The following DNAH8 variants were observed in gnomAD, a reference collection of about 807,000 sequenced individuals.
DNAH8 encodes axonemal beta dynein heavy chain 8.
DNAH8 carries 382 observed loss-of-function variants against 562.1 expected under a neutral mutation model. That is an observed-to-expected ratio of 0.68 (90% CI 0.63 to 0.74). The LOEUF is 0.74. Ranked by LOEUF, DNAH8 falls within the 30% of genes least tolerant of loss-of-function variation. The pLI, the probability that DNAH8 is intolerant of heterozygous loss-of-function variation, is 0.00. For synonymous variants in DNAH8, 1,881 were observed against 1,919.4 expected, an observed-to-expected ratio of 0.98 and a Z score of 0.52; for missense variants, 5,203 against 5,620.4, an observed-to-expected ratio of 0.93 and a Z score of 2.37.
At chr6:38,800,926 T>C (rs1230731054) in intron 21 of DNAH8, among the ~76,000 whole-genome samples, 1 of 152,226 alleles carries the variant, frequency 6.6e-6, no homozygotes, top group Non-Finnish European at 1.5e-5. Context: ...TGAGTTGTAA[T>C]AATGTTTTAT....
At chr6:38,920,478 C>T (rs570935802) in intron 70 of DNAH8, among the ~76,000 whole-genome samples, 42 of 152,264 alleles carry the variant, frequency 2.8e-4, no homozygotes, top group Non-Finnish European at 5.9e-4. Context: ...ATCATTACCA[C>T]ATTGTAGGAC....
rs1780287726 is a variant in DNAH8 at position 38,904,386 on chromosome 6, G to T, written c.9195-1868G>T. On this transcript the variant is annotated intron_variant, in intron 62 of 92. Coordinates refer to ENST00000327475, the MANE Select transcript of DNAH8 (RefSeq NM_001206927.2). ...AAGATGGCTGTGGAAAGAATTCTGG[G>T]GTCTCCCAACATAGAGAAAGGGGGC... Among the ~76,000 whole-genome samples, 3 of 152,216 alleles carry T rather than the reference G, an allele frequency of 2.0e-5. No homozygotes were observed. In the East Asian group the frequency reaches 5.8e-4, roughly 29 times the overall value.
At chr6:38,937,585 G>A (rs566281601) in intron 77 of DNAH8, among the ~76,000 whole-genome samples, 3 of 152,150 alleles carry the variant, frequency 2.0e-5, no homozygotes, top group East Asian at 1.9e-4. Flanking sequence ...GACAAGCAGC[G>A]TGGACAAGCT....
chr6:38,842,930 A>G, intron 35 of DNAH8, 27 bp downstream of exon 35: 3 of 1,604,014 alleles, frequency 1.9e-6, no homozygotes, highest in African/African-American at 1.3e-5. Context: ...GTTCTTATCA[A>G]TGATCCATTA....
chr6:38,730,878 CA>C (rs1486760918), intron 4 of DNAH8, among the ~76,000 whole-genome samples: 1 of 152,074 alleles, frequency 6.6e-6, no homozygotes, highest in African/African-American at 2.4e-5. Flanking sequence ...CTGGCTTTTT[CA>C]GATTGCCTTT....
At position 38,868,226 on chromosome 6, in the gene DNAH8, C is replaced by G. The variant is rs756009150; in HGVS notation, c.6828+30C>G. 1.9e-6 allele frequency: 3 copies of G among 1,584,104 alleles called. No homozygotes were observed. In the South Asian group the frequency reaches 3.5e-5, roughly 19 times the overall value. On this transcript the variant is annotated intron_variant, in intron 48 of 92. Transcript: ENST00000327475. ...CTTCTCTGAATTCTCTTCTTTTCCA[C>G]AATTTTAATATTGTTTCTTTCTATT...
chr6:38,934,594 T>A (rs894667063), intron 76 of DNAH8, among the ~76,000 whole-genome samples: 2 of 152,182 alleles, frequency 1.3e-5, no homozygotes, highest in Admixed American at 1.3e-4. Flanking sequence ...TGATTCTGTA[T>A]AAAATCAGAA....
At chr6:38,972,785 A>G (rs1189265510) in intron 83 of DNAH8, among the ~76,000 whole-genome samples, 1 of 152,170 alleles carries the variant, frequency 6.6e-6, no homozygotes, top group Non-Finnish European at 1.5e-5. Flanking sequence ...GGCATTGTGG[A>G]ACACAGAGTG....
rs11966699 is a variant in DNAH8, at chr6:39,030,410, C to G, written c.*18C>G. The G allele has an allele frequency of 0.019, 30,060 of 1,605,736 alleles. 1,878 individuals carry two copies. The East Asian group carries it at 0.22, about 12-fold the overall frequency. ...TCAAGTAAGTTCATTTCCATCTGCT[C>G]AGGGCACCAGAACCCACATAGACAG... On this transcript the variant is annotated 3_prime_UTR_variant, in exon 93 of 93. Transcript: ENST00000327475.
intron 85 of DNAH8, 88 bp downstream of exon 85, chr6:38,974,617 C>G: frequency 9.8e-7 from 1 of 1,020,142 alleles, no homozygotes; most frequent in Non-Finnish European, 1.5e-6. Flanking sequence ...GGGTGCTATC[C>G]GTTGCCGCTC....
intron 77 of DNAH8, among the ~76,000 whole-genome samples, chr6:38,937,264 T>TTGATG (rs906180839): frequency 1.8e-4 from 28 of 151,808 alleles, no homozygotes; most frequent in African/African-American, 6.5e-4. Flanking sequence ...AAATGACAAG[T>TTGATG]TGATGGGTGC....
At chr6:38,998,086 C>A (rs182579900) in intron 88 of DNAH8, among the ~76,000 whole-genome samples, 1,683 of 152,258 alleles carry the variant, frequency 0.011, 19 homozygotes, top group Non-Finnish European at 0.015. Context: ...ATAATTGGGC[C>A]ATGATGGAGA....
At chr6:38,826,690 C>G (rs1773356101) in intron 29 of DNAH8, among the ~76,000 whole-genome samples, 1 of 151,978 alleles carries the variant, frequency 6.6e-6, no homozygotes. Context: ...AATAATTGTC[C>G]CTTGTCATGT....
At chr6:38,960,738 T>C (rs1762554601) in intron 82 of DNAH8, among the ~76,000 whole-genome samples, 1 of 152,028 alleles carries the variant, frequency 6.6e-6, no homozygotes, top group African/African-American at 2.4e-5. Context: ...AGAACTGCTC[T>C]ATGATTCAGC....
intron 3 of DNAH8, among the ~76,000 whole-genome samples, chr6:38,725,997 A>G (rs1763187114): frequency 6.6e-6 from 1 of 152,162 alleles, no homozygotes; most frequent in Admixed American, 6.5e-5. Context: ...CTCTCTAAGC[A>G]ATTGGTGCAA....
At chr6:39,003,122 G>A (rs1005069221) in intron 88 of DNAH8, among the ~76,000 whole-genome samples, 5 of 152,194 alleles carry the variant, frequency 3.3e-5, no homozygotes, top group African/African-American at 9.6e-5. Flanking sequence ...AAAGAAGCCT[G>A]GTTAACTTTC....
intron 45 of DNAH8, among the ~76,000 whole-genome samples, chr6:38,864,361 A>G (rs151054445): frequency 1.3e-5 from 2 of 152,336 alleles, no homozygotes; most frequent in East Asian, 1.9e-4. Flanking sequence ...TCTATGTGCT[A>G]TATCAGATGG....
intron 87 of DNAH8, among the ~76,000 whole-genome samples, chr6:38,985,439 AT>A (rs1372796855): frequency 1.3e-5 from 2 of 152,214 alleles, no homozygotes; most frequent in African/African-American, 2.4e-5. Flanking sequence ...CTTTGGGAGT[AT>A]TTTGATAAGC....
rs148812133 is a variant in DNAH8, at chr6:38,938,978, T to C, written c.11997T>C (p.Ala3999=). The C allele has an allele frequency of 1.2e-3, 1,996 of 1,612,754 alleles. 13 individuals are homozygous for C. The highest frequency in any genetic ancestry group is 0.012 in the Admixed American group (701 of 59,738). ...CAGTTAAGCACAGAGAGTTTCAAGC[T>C]CTCATTAAAGGTAAAGTGTGTGGGA... ...RGTVKHREFQ[A]LIKGGAALDL... The change falls in exon 79 of 93, where the codon GCT becomes GCC. Residue 3999 remains alanine, a synonymous_variant. Coordinates refer to ENST00000327475, the MANE Select transcript of DNAH8 (RefSeq NM_001206927.2).
Sources: gnomAD v4.1 joint callset for allele counts (sites outside exome capture counted in the v4.1 genomes callset) on GRCh38, gnomAD v4.1.1 for gene constraint, MANE v1.5 for transcripts, NCBI Gene and HGNC (gene_info 2026-07-23, HGNC 2026-07-21) for gene names.